The following PCDH7 variants were observed in gnomAD, a reference collection of about 807,000 sequenced individuals.
PCDH7 encodes protocadherin 7.
In PCDH7, 17 loss-of-function variants were observed where a neutral mutation model predicts 58.9. That is an observed-to-expected ratio of 0.29 (90% CI 0.20 to 0.43). The LOEUF (loss-of-function observed/expected upper bound fraction) is 0.43, where lower values mean the gene tolerates loss of function less well. PCDH7 is among the 20% of genes least tolerant of loss of function. The pLI is 1.00. For synonymous variants in PCDH7, 664 were observed against 616.4 expected (o/e 1.08, Z -1.14); for missense variants, 1,274 against 1,441.0 (o/e 0.88, Z 1.88).
rs188029268 is a variant in PCDH7 at position 31,101,729 on chromosome 4, G to C, written c.*8-40744G>C. ...TTTAGATTTTCCTTTCAACTGAAAT[G>C]TTTCAAAACCAAGCATATTATATAA... On this transcript the variant is annotated intron_variant, in intron 3 of 3. Coordinates refer to the PCDH7 transcript ENST00000509759. 1.8e-4 allele frequency among the ~76,000 whole-genome samples: 28 copies of C among 152,240 alleles called. No individual in the cohort carries two copies. The East Asian group carries it at 4.8e-3, about 26-fold the overall frequency.
chr4:30,852,941 A>G (rs1270216624), intron 1 of PCDH7, among the ~76,000 whole-genome samples: 1 of 151,918 alleles, frequency 6.6e-6, no homozygotes, highest in African/African-American at 2.4e-5. Flanking sequence ...GAGATGGTAA[A>G]TGGGTTTCAT....
intron 1 of PCDH7, among the ~76,000 whole-genome samples, chr4:30,781,038 TAA>T (rs1192925761): frequency 6.6e-6 from 1 of 152,110 alleles, no homozygotes; most frequent in Non-Finnish European, 1.5e-5. Context: ...AAAAGATAAA[TAA>T]AAGTTTCCTC....
chr4:30,799,917 A>G (rs1269587206), intron 1 of PCDH7, among the ~76,000 whole-genome samples: 1 of 151,052 alleles, frequency 6.6e-6, no homozygotes, highest in Admixed American at 6.6e-5. Flanking sequence ...GCAATGGCGC[A>G]ATCTTGGCTC....
intron 1 of PCDH7, among the ~76,000 whole-genome samples, chr4:30,877,894 T>C (rs1343267395): frequency 6.6e-6 from 1 of 152,158 alleles, no homozygotes; most frequent in Non-Finnish European, 1.5e-5. Context: ...TATTTGTTAT[T>C]TTTCTTAATG....
chr4:31,000,627 T>C (rs1309327115), intron 3 of PCDH7, among the ~76,000 whole-genome samples: 1 of 152,048 alleles, frequency 6.6e-6, no homozygotes, highest in East Asian at 1.9e-4. Flanking sequence ...TTCATCGCTT[T>C]CTTTATTATC....
In PCDH7 at chr4:31,092,517, G is replaced by T. The variant is rs926315895; in HGVS notation, c.*8-49956G>T. On this transcript the variant is annotated intron_variant, in intron 3 of 3. Transcript: ENST00000509759. ...TCTAGACCAATGGTTCTTAACTGAT[G>T]TGAGGTTATGAGATGCTTTGTGAAT... Among the ~76,000 whole-genome samples, 6 of 152,124 alleles carry T rather than the reference G, an allele frequency of 3.9e-5. No individual in the cohort carries two copies. The South Asian group carries it at 1.2e-3, about 32-fold the overall frequency.
At chr4:31,007,747 A>G (rs936509774) in intron 3 of PCDH7, among the ~76,000 whole-genome samples, 6 of 152,154 alleles carry the variant, frequency 3.9e-5, no homozygotes, top group Admixed American at 2.6e-4. Flanking sequence ...AGAAAATTAG[A>G]TAGTGCACTT....
intron 1 of PCDH7, among the ~76,000 whole-genome samples, chr4:30,797,751 C>G (rs1280972779): frequency 1.3e-5 from 2 of 152,084 alleles, no homozygotes; most frequent in Non-Finnish European, 2.9e-5. Flanking sequence ...AGATTGCTTA[C>G]TAAACAATGG....
chr4:30,725,737 G>A (rs991051485), intron 1 of PCDH7, among the ~76,000 whole-genome samples: 1 of 152,042 alleles, frequency 6.6e-6, no homozygotes, highest in East Asian at 1.9e-4. Flanking sequence ...TATTAAACAT[G>A]CTTTGCATGT....
At chr4:31,029,447 G>A (rs1424684197) in intron 3 of PCDH7, among the ~76,000 whole-genome samples, 1 of 152,198 alleles carries the variant, frequency 6.6e-6, no homozygotes, top group East Asian at 1.9e-4. Context: ...TTGGATTAGA[G>A]TGGGTTCTGA....
At chr4:30,736,061 C>T (rs371891632), downstream of PCDH7, among the ~76,000 whole-genome samples, 6 of 152,102 alleles carry the variant, frequency 3.9e-5, no homozygotes, top group Admixed American at 2.0e-4. Context: ...GCACCATACC[C>T]GACTCCTCTC....
At chr4:30,748,267 G>T (rs1718028092) in intron 1 of PCDH7, among the ~76,000 whole-genome samples, 2 of 152,198 alleles carry the variant, frequency 1.3e-5, no homozygotes, top group African/African-American at 4.8e-5. Flanking sequence ...GGCCAGGCTT[G>T]AGATACAGTA....
intron 3 of PCDH7, among the ~76,000 whole-genome samples, chr4:31,003,128 A>C (rs1313166630): frequency 6.6e-6 from 1 of 152,182 alleles, no homozygotes; most frequent in African/African-American, 2.4e-5. Context: ...AATACTTACC[A>C]TGCTTATTTT....
intron 3 of PCDH7, among the ~76,000 whole-genome samples, chr4:31,139,411 T>A (rs557034524): frequency 6.6e-6 from 1 of 152,322 alleles, no homozygotes; most frequent in South Asian, 2.1e-4. Context: ...AAAATAATGT[T>A]CTTAGATGTT....
chr4:30,753,350 T>C (rs753834927), intron 1 of PCDH7, among the ~76,000 whole-genome samples: 6 of 152,214 alleles, frequency 3.9e-5, no homozygotes, highest in Non-Finnish European at 8.8e-5. Context: ...ATATACATGG[T>C]CGTGGTAAGC....
intron 1 of PCDH7, among the ~76,000 whole-genome samples, chr4:30,794,218 C>G (rs781714558): frequency 3.3e-5 from 5 of 152,210 alleles, no homozygotes; most frequent in Admixed American, 6.5e-5. Context: ...CTATAAAAAA[C>G]AGCAAACCTC....
At chr4:30,924,345 CT>C (rs1476657916) in intron 2 of PCDH7, among the ~76,000 whole-genome samples, 7 of 152,178 alleles carry the variant, frequency 4.6e-5, no homozygotes, top group African/African-American at 1.7e-4. Context: ...ACTCTGAAAT[CT>C]TACTCGGTTC....
chr4:30,931,382 C>G (rs1332887517), intron 2 of PCDH7, among the ~76,000 whole-genome samples: 1 of 152,064 alleles, frequency 6.6e-6, no homozygotes, highest in Non-Finnish European at 1.5e-5. Context: ...TCAAGACCAG[C>G]CTGACCAACA....
intron 3 of PCDH7, among the ~76,000 whole-genome samples, chr4:31,079,491 T>C (rs1759319451): frequency 6.6e-6 from 1 of 151,032 alleles, no homozygotes; most frequent in Admixed American, 6.6e-5. Context: ...TGCATTTAAA[T>C]ACTATTTGAC....
Sources: allele counts gnomAD v4.1 joint callset (sites outside exome capture counted in the v4.1 genomes callset), GRCh38; gene constraint gnomAD v4.1.1; transcripts MANE v1.5; gene names NCBI Gene and HGNC (gene_info 2026-07-23, HGNC 2026-07-21).